The following KHDRBS2 variants were observed in gnomAD, a reference collection of about 807,000 sequenced individuals.
The protein encoded by KHDRBS2 is KH domain-containing, RNA-binding, signal transduction-associated protein 2.
In KHDRBS2, 26 loss-of-function variants were observed where a neutral mutation model predicts 44.3. That is an observed-to-expected ratio of 0.59 (90% CI 0.43 to 0.81). The LOEUF is 0.81. Ranked by LOEUF, KHDRBS2 falls within the 40% of genes least tolerant of loss-of-function variation. The pLI is 0.00. For missense variants in KHDRBS2, 476 were observed against 433.1 expected (o/e 1.10, Z -0.88); for synonymous variants, 194 against 151.1 (o/e 1.28, Z -2.08).
At chr6:61,615,795 C>T in the KHDRBS2 span, among the ~76,000 whole-genome samples, 1 of 152,140 alleles carries the variant, frequency 6.6e-6, no homozygotes, top group African/African-American at 2.4e-5. Context: ...AATAAATTGA[C>T]ATCCAAAACA....
intron 3 of KHDRBS2, among the ~76,000 whole-genome samples, chr6:61,999,537 C>T (rs907401043): frequency 2.0e-5 from 3 of 152,020 alleles, no homozygotes; most frequent in East Asian, 1.9e-4. Flanking sequence ...ATGGCACATA[C>T]CTTTGGATTT....
At chr6:61,593,597 T>C in the KHDRBS2 span, among the ~76,000 whole-genome samples, 1 of 152,046 alleles carries the variant, frequency 6.6e-6, no homozygotes, top group Admixed American at 6.6e-5. Context: ...ATTATACTTG[T>C]CCTGATTATT....
intron 2 of KHDRBS2, among the ~76,000 whole-genome samples, chr6:62,157,074 G>A (rs2150109456): frequency 6.6e-6 from 1 of 151,726 alleles, no homozygotes; most frequent in East Asian, 2.0e-4. Flanking sequence ...TAAGAATGAG[G>A]GCCGGGTGCG....
At chr6:62,130,323 C>A (rs1185916206) in intron 2 of KHDRBS2, among the ~76,000 whole-genome samples, 5 of 152,140 alleles carry the variant, frequency 3.3e-5, no homozygotes, top group Non-Finnish European at 7.3e-5. Context: ...ATCCAGAGGT[C>A]CGCTGCATAG....
intron 1 of KHDRBS2, among the ~76,000 whole-genome samples, chr6:62,214,294 A>G (rs1383612790): frequency 6.6e-6 from 1 of 152,184 alleles, no homozygotes; most frequent in Non-Finnish European, 1.5e-5. Context: ...TATATATCAA[A>G]TTAGAACAGC....
chr6:61,943,996 A>G (rs1490855653), intron 4 of KHDRBS2, among the ~76,000 whole-genome samples: 4 of 152,142 alleles, frequency 2.6e-5, no homozygotes, highest in Non-Finnish European at 5.9e-5. Context: ...TATGAAAAAG[A>G]CAAAAAACAA....
At chr6:61,552,343 G>A in the KHDRBS2 span, among the ~76,000 whole-genome samples, 2 of 151,940 alleles carry the variant, frequency 1.3e-5, no homozygotes, top group African/African-American at 4.8e-5. Flanking sequence ...GAATGCTACT[G>A]ATTTTTGTAC....
intron 1 of KHDRBS2, among the ~76,000 whole-genome samples, chr6:62,273,995 G>T (rs1198825944): frequency 6.6e-6 from 1 of 151,992 alleles, no homozygotes; most frequent in Admixed American, 6.6e-5. Flanking sequence ...GAGTGCAGTG[G>T]CGCGATCTCA....
At chr6:62,179,717 T>G (rs1585085666) in intron 1 of KHDRBS2, among the ~76,000 whole-genome samples, 1 of 151,806 alleles carries the variant, frequency 6.6e-6, no homozygotes, top group Non-Finnish European at 1.5e-5. Context: ...ACCACAAAAC[T>G]ACTACCTTAG....
the KHDRBS2 span, among the ~76,000 whole-genome samples, chr6:61,595,619 TG>T: frequency 6.6e-6 from 1 of 151,960 alleles, no homozygotes; most frequent in Non-Finnish European, 1.5e-5. Context: ...TTTTGACTTT[TG>T]GTAGCTCTAA....
chr6:61,660,812 G>A, the KHDRBS2 span, among the ~76,000 whole-genome samples: 10 of 151,794 alleles, frequency 6.6e-5, no homozygotes, highest in African/African-American at 2.2e-4. Flanking sequence ...TTGGCAGGAT[G>A]AGTACAGTCA....
intron 1 of KHDRBS2, among the ~76,000 whole-genome samples, chr6:62,185,274 C>A (rs945336341): frequency 6.6e-6 from 1 of 151,840 alleles, no homozygotes; most frequent in African/African-American, 2.4e-5. Context: ...ATACCCTAAA[C>A]CTGTGTTTTA....
chr6:62,243,912 A>G (rs941282862), intron 1 of KHDRBS2, among the ~76,000 whole-genome samples: 3 of 152,178 alleles, frequency 2.0e-5, no homozygotes, highest in African/African-American at 7.2e-5. Flanking sequence ...TATCCTATAC[A>G]CAGTGTACTA....
intron 1 of KHDRBS2, among the ~76,000 whole-genome samples, chr6:62,191,101 C>T (rs1280717514): frequency 6.6e-6 from 1 of 152,162 alleles, no homozygotes; most frequent in Non-Finnish European, 1.5e-5. Context: ...TGTTTATTCC[C>T]TGGCTGTACT....
At chr6:61,810,456 C>T (rs1202601736) in intron 6 of KHDRBS2, among the ~76,000 whole-genome samples, 1 of 151,936 alleles carries the variant, frequency 6.6e-6, no homozygotes, top group Non-Finnish European at 1.5e-5. Context: ...GTTAATTTCT[C>T]CAGAGCAGCA....
the KHDRBS2 span, among the ~76,000 whole-genome samples, chr6:61,563,907 T>C: frequency 6.6e-6 from 1 of 152,190 alleles, no homozygotes; most frequent in Non-Finnish European, 1.5e-5. Context: ...ATTATACAAG[T>C]TAAAGTTTTA....
At chr6:62,117,189 T>C (rs2176609) in intron 2 of KHDRBS2, among the ~76,000 whole-genome samples, 92,597 of 151,892 alleles carry the variant, frequency 0.61, 28,391 homozygotes, top group Non-Finnish European at 0.62. Flanking sequence ...TTTTCCATAG[T>C]GGCTGTACTA....
Position 61,877,627 on chromosome 6 carries a change from A to C in KHDRBS2, c.810+17008T>G, listed in dbSNP as rs1379609470. 2.0e-5 allele frequency among the ~76,000 whole-genome samples: 3 copies of C among 151,884 alleles called. No homozygotes were observed. The South Asian group carries it at 6.2e-4, about 31-fold the overall frequency. ...AATAATAAAGATACAAACTACTTTT[A>C]AAAAAACTATTATGCAACCGGAGCA... is the stretch of plus-strand genomic sequence containing the variant. On this transcript the variant is annotated intron_variant, in intron 6 of 8. Coordinates refer to ENST00000281156, the MANE Select transcript of KHDRBS2 (RefSeq NM_152688.4).
intron 3 of KHDRBS2, among the ~76,000 whole-genome samples, chr6:62,028,863 C>A (rs532642027): frequency 1.3e-5 from 2 of 152,162 alleles, no homozygotes; most frequent in South Asian, 4.1e-4. Flanking sequence ...ATTCACAGGA[C>A]CTCTTTGTCT....
Sources: allele counts gnomAD v4.1 joint callset (sites outside exome capture counted in the v4.1 genomes callset), GRCh38; gene constraint gnomAD v4.1.1; transcripts MANE v1.5; gene names NCBI Gene and HGNC (gene_info 2026-07-23, HGNC 2026-07-21).